CNOT8: variants seen among roughly 807,000 people sequenced by gnomAD.
CNOT8 encodes the protein CCR4-NOT transcription complex subunit 8.
Under a neutral mutation model 34.6 loss-of-function variants are expected in CNOT8, and 18 were observed. The ratio of observed to expected loss-of-function variants is 0.52; its 90% confidence interval spans 0.36 to 0.77. CNOT8 has a LOEUF of 0.77. Ranked by LOEUF, CNOT8 falls within the 30% of genes least tolerant of loss-of-function variation. The pLI, the probability that CNOT8 is intolerant of heterozygous loss-of-function variation, is 0.00. For missense variants in CNOT8, 189 were observed against 347.9 expected, an observed-to-expected ratio of 0.54 and a Z score of 3.63; for synonymous variants, 101 against 118.8, an observed-to-expected ratio of 0.85 and a Z score of 0.98.
chr5:154,873,158 G>C (rs1241941413), intron 6 of CNOT8, among the ~76,000 whole-genome samples: 1 of 152,194 alleles, frequency 6.6e-6, no homozygotes, highest in African/African-American at 2.4e-5. Flanking sequence ...CGCCTGGCTT[G>C]GTCTCCCAAA....
chr5:154,867,995 G>A (rs960946758), intron 3 of CNOT8, among the ~76,000 whole-genome samples: 1 of 152,098 alleles, frequency 6.6e-6, no homozygotes, highest in Non-Finnish European at 1.5e-5. Flanking sequence ...GGAGTGCAGT[G>A]GCACAATCTC....
At chr5:154,868,299 T>C (rs816722) in intron 3 of CNOT8, among the ~76,000 whole-genome samples, 20,864 of 141,802 alleles carry the variant, frequency 0.15, 2,069 homozygotes, top group African/African-American at 0.28. Context: ...GGTAATGTCT[T>C]GCTTTGTCAC....
intron 2 of CNOT8, among the ~76,000 whole-genome samples, chr5:154,863,949 GA>G (rs543162242): frequency 2.0e-4 from 29 of 147,094 alleles, no homozygotes; most frequent in East Asian, 4.0e-4. Flanking sequence ...TGGCATCTCT[GA>G]AAAAAAAAAA....
At chr5:154,869,634 T>G (rs1762273897) in intron 3 of CNOT8, among the ~76,000 whole-genome samples, 2 of 149,686 alleles carry the variant, frequency 1.3e-5, no homozygotes, top group South Asian at 4.2e-4. Context: ...GTGTTTTTTT[T>G]TTTTTTTTTG....
At chr5:154,865,511 A>G in intron 3 of CNOT8, 126 bp downstream of exon 3, 1 of 568,480 alleles carries the variant, frequency 1.8e-6, no homozygotes, top group South Asian at 3.1e-5. Flanking sequence ...TCCTGCTTAA[A>G]GAACTGCAGC....
At chr5:154,872,673 C>A in intron 6 of CNOT8, 22 bp downstream of exon 6, 1 of 1,490,250 alleles carries the variant, frequency 6.7e-7, no homozygotes, top group Non-Finnish European at 9.3e-7. Context: ...TGAATGTGAT[C>A]ACAGGCCTCT....
In CNOT8 at chr5:154,872,390, A is replaced by G; in HGVS notation, c.619-151A>G. 6 of 518,368 alleles carry G rather than the reference A, an allele frequency of 1.2e-5. No individual in the cohort carries two copies. The South Asian group carries it at 1.8e-4, about 16-fold the overall frequency. 32.1% of individuals were successfully genotyped at this position (518,368 alleles called of 1,614,324 possible). A position where few individuals can be genotyped will look rare whatever the true frequency, so the allele number is the denominator to read the frequency against. ...TATAGCGTCTGGAAAAAGGGAATAAAAGAGCTAAAAAGAGGTTACTAAGGC... is the reference window on the plus strand; with the variant it reads ...TATAGCGTCTGGAAAAAGGGAATAAGAGAGCTAAAAAGAGGTTACTAAGGC... On this transcript the variant is annotated intron_variant, in intron 5 of 6. Coordinates refer to ENST00000285896, the MANE Select transcript of CNOT8 (RefSeq NM_001301073.2).
intron 4 of CNOT8, 21 bp downstream of exon 4, chr5:154,870,843 A>C: frequency 6.3e-7 from 1 of 1,584,168 alleles, no homozygotes; most frequent in Non-Finnish European, 8.6e-7. Flanking sequence ...GGGAATGTGT[A>C]TTTCTCTCTC....
intron 1 of CNOT8, among the ~76,000 whole-genome samples, 168 bp from the exon 2 acceptor site, chr5:154,863,013 CTGTGTGTGTGTGCGTGTGTGCATGTG>C (rs1039051873): frequency 1.3e-4 from 20 of 152,026 alleles, no homozygotes; most frequent in African/African-American, 4.8e-4. Flanking sequence ...CAAGAAAGAA[CTGTGTGTGTGTGCGTGTGTGCATGTG>C]TGTGTGTGTG....
At chr5:154,873,506 A>G (rs1209296948) in intron 6 of CNOT8, among the ~76,000 whole-genome samples, 1 of 152,206 alleles carries the variant, frequency 6.6e-6, no homozygotes, top group Non-Finnish European at 1.5e-5. Context: ...TATTGAATTT[A>G]CTATAACCCC....
chr5:154,871,559 CAAAAA>C (rs372899952), intron 4 of CNOT8, among the ~76,000 whole-genome samples, 166 bp from the exon 5 acceptor site: 4 of 55,410 alleles, frequency 7.2e-5, no homozygotes, highest in Non-Finnish European at 1.5e-4. Flanking sequence ...GACTCTGTCT[CAAAAA>C]AAAAAAAAAA....
chr5:154,859,318 GGCCTCCCCCTTCTAAATCGCC>G (rs1761099428), intron 1 of CNOT8: 1 of 152,138 alleles, frequency 6.6e-6, no homozygotes, highest in African/African-American at 2.4e-5. Context: ...GAATCTTGCG[GGCCTCCCCCTTCTAAATCGCC>G]GCCTCTTCCT....
chr5:154,860,540 C>G (rs1282291743), intron 1 of CNOT8, among the ~76,000 whole-genome samples: 2 of 152,086 alleles, frequency 1.3e-5, no homozygotes, highest in Admixed American at 6.6e-5. Context: ...ACTCCTGGCT[C>G]AAGTGATTCT....
chr5:154,864,170 T>C (rs1761631399), intron 2 of CNOT8, among the ~76,000 whole-genome samples: 1 of 152,082 alleles, frequency 6.6e-6, no homozygotes, highest in South Asian at 2.1e-4. Context: ...CTTTAGAAAT[T>C]ATAGAGTTGG....
At chr5:154,863,077 T>C (rs2544882) in intron 1 of CNOT8, 130 bp from the exon 2 acceptor site, 14,895 of 486,800 alleles carry the variant, frequency 0.031, 503 homozygotes, top group African/African-American at 0.12. Context: ...TCATATAAAA[T>C]GGAGAATAAA....
intron 3 of CNOT8, among the ~76,000 whole-genome samples, 155 bp downstream of exon 3, chr5:154,865,540 TAAAC>T (rs986581824): frequency 1.3e-5 from 2 of 152,128 alleles, no homozygotes; most frequent in Non-Finnish European, 2.9e-5. Flanking sequence ...AATGAAAAGA[TAAAC>T]AACCCAACTA....
intron 6 of CNOT8, 78 bp from the exon 7 acceptor site, chr5:154,875,212 C>T (rs1011114125): frequency 9.1e-5 from 136 of 1,500,644 alleles, no homozygotes; most frequent in African/African-American, 2.9e-4. Context: ...CCATTGCACC[C>T]GGCCAGATGT....
intron 1 of CNOT8, 129 bp downstream of exon 1, chr5:154,858,897 C>G (rs1388204545): frequency 6.6e-6 from 1 of 152,110 alleles, no homozygotes; most frequent in Non-Finnish European, 1.5e-5. Flanking sequence ...AGGAGAGGAA[C>G]CCCAGCAAAG....
chr5:154,866,187 G>A (rs893364444), intron 3 of CNOT8, among the ~76,000 whole-genome samples: 5 of 152,078 alleles, frequency 3.3e-5, no homozygotes, highest in African/African-American at 4.8e-5. Context: ...GTCAATACAG[G>A]GTCTCGCTTT....
Sources: gnomAD v4.1 joint callset for allele counts (sites outside exome capture counted in the v4.1 genomes callset) on GRCh38, gnomAD v4.1.1 for gene constraint, MANE v1.5 for transcripts, NCBI Gene and HGNC (gene_info 2026-07-23, HGNC 2026-07-21) for gene names.